Variants in PLEKHG3 observed in about 807,000 individuals in gnomAD.
PLEKHG3 encodes the protein pleckstrin homology and RhoGEF domain containing G3.
In PLEKHG3, 62 loss-of-function variants were observed where a neutral mutation model predicts 94.9. The ratio of observed to expected loss-of-function variants is 0.65; its 90% CI spans 0.53 to 0.81. PLEKHG3 has a LOEUF of 0.81. Ranked by LOEUF, PLEKHG3 falls within the 30% of genes least tolerant of loss-of-function variation. The pLI is 0.00. For missense variants in PLEKHG3, 1,461 were observed against 1,619.3 expected (o/e 0.90, Z 1.68); for synonymous variants, 614 against 654.0 (o/e 0.94, Z 0.93).
At chr14:64,729,133 G>A (rs1367894791) in intron 3 of PLEKHG3, 40 bp downstream of exon 3, 4 of 934,048 alleles carry the variant, frequency 4.3e-6, no homozygotes, top group South Asian at 2.9e-5. Flanking sequence ...TTCTGCCTGC[G>A]AGGCCCACCT....
At chr14:64,712,043 C>A (rs1005142535) in intron 1 of PLEKHG3, among the ~76,000 whole-genome samples, 3 of 152,180 alleles carry the variant, frequency 2.0e-5, no homozygotes, top group African/African-American at 7.2e-5. Flanking sequence ...CAGATTCATT[C>A]TTTTGCATGT....
In PLEKHG3 at chr14:64,730,327, G is replaced by T. The variant is rs1216250379; in HGVS notation, c.519+15G>T. The T allele has an allele frequency of 6.6e-7, 1 of 1,505,464 alleles. No homozygotes were observed. Among genetic ancestry groups the T allele is most frequent in the Non-Finnish European group, 8.9e-7 (1 of 1,119,082 alleles). 93.3% of individuals were successfully genotyped at this position (1,505,464 alleles called of 1,614,324 possible). A position where few individuals can be genotyped will look rare whatever the true frequency, so the allele number is the denominator to read the frequency against. ...TTGTGGAAAGGGTAAGAAGGGCTGG[G>T]TCCTTGCCTCTGTCCTACCTTGCTG... On this transcript the variant is annotated intron_variant, in intron 4 of 16. Transcript: ENST00000247226. The surrounding 1 kb of genome is among the most constrained non-coding windows in gnomAD (Gnocchi z 5.4).
chr14:64,726,055 G>C lies in PLEKHG3; in HGVS notation c.-39-1538G>C, dbSNP rs1314783775. 6.6e-6 allele frequency among the ~76,000 whole-genome samples: 1 copy of C among 152,188 alleles called. No homozygotes were observed. The highest frequency in any genetic ancestry group is 2.4e-5 in the African/African-American group (1 of 41,432). On this transcript the variant is annotated intron_variant, in intron 1 of 16. Coordinates refer to ENST00000247226, the MANE Select transcript of PLEKHG3 (RefSeq NM_001308147.2). The surrounding 1 kb of genome is among the most constrained non-coding windows in gnomAD (Gnocchi z 5.1). ...AGTTCCCCAGGTTTGGGGGATATTG[G>C]AAGGTTCCTGGAGGGGGCGATGTCT...
chr14:64,708,841 G>T (rs1043167360), intron 1 of PLEKHG3, among the ~76,000 whole-genome samples: 1 of 137,276 alleles, frequency 7.3e-6, no homozygotes, highest in Non-Finnish European at 1.5e-5. Context: ...GTATGTCGCT[G>T]CACACTCGGC....
rs970244779 is a variant in PLEKHG3 at position 64,747,472 on chromosome 14, C to G, written c.*3769C>G. ...CATATGTACCAAAGCCAAATGAAGA[C>G]CTTGCTCACCAGGGCGGGAACCTGG... On this transcript the variant is annotated 3_prime_UTR_variant, in exon 17 of 17. Coordinates refer to ENST00000247226, the MANE Select transcript of PLEKHG3 (RefSeq NM_001308147.2). The G allele has an allele frequency of 2.6e-5, 4 of 152,794 alleles. No homozygotes were observed. The highest frequency in any genetic ancestry group is 9.6e-5 in the African/African-American group (4 of 41,580). 9.5% of individuals were successfully genotyped at this position (152,794 alleles called of 1,614,324 possible). A position where few individuals can be genotyped will look rare whatever the true frequency, so the allele number is the denominator to read the frequency against.
rs188686366 is a variant in PLEKHG3 at position 64,723,497 on chromosome 14, G to A, written c.-39-4096G>A. On this transcript the variant is annotated intron_variant, in intron 1 of 16. Transcript: ENST00000247226. This position sits in a 1 kb window ranked among gnomAD's most constrained non-coding sequence, Gnocchi z 4.5. ...TCACAAGTATAGGACTTGAGAAAGA[G>A]TTTTCTTTTTTCTTTTTTTTTGAGA... Among the ~76,000 whole-genome samples, 507 of 149,210 alleles carry A rather than the reference G, an allele frequency of 3.4e-3. 4 individuals are homozygous for A. Among genetic ancestry groups the A allele is most frequent in the Non-Finnish European group, 5.4e-3 (364 of 67,176 alleles).
Position 64,732,270 on chromosome 14 carries a change from A to G in PLEKHG3, c.1212+89A>G. 1 of 1,340,522 alleles carries G rather than the reference A, an allele frequency of 7.5e-7. No homozygotes were observed. Among genetic ancestry groups the G allele is most frequent in the Non-Finnish European group, 1.1e-6 (1 of 932,638 alleles). 83.0% of individuals were successfully genotyped at this position (1,340,522 alleles called of 1,614,324 possible). ...GGTCCATTGGGGGCTCACCTTCTGGATTTGGGCTCCAGTGGACAGTGAGTG... is the reference window on the plus strand; with the variant it reads ...GGTCCATTGGGGGCTCACCTTCTGGGTTTGGGCTCCAGTGGACAGTGAGTG... On this transcript the variant is annotated intron_variant, in intron 10 of 16. Coordinates refer to ENST00000247226, the MANE Select transcript of PLEKHG3 (RefSeq NM_001308147.2). This position sits in a 1 kb window ranked among gnomAD's most constrained non-coding sequence, Gnocchi z 4.9.
chr14:64,742,971 TCTC>T lies in PLEKHG3; in HGVS notation c.2939-7_2939-5del, dbSNP rs1276162267. ...GCCCCATGCTTCAGGCAGCTTGCTC[TCTC>T]CTCATAGGTAAGAGGAAGCCGGTGC... is the stretch of plus-strand genomic sequence containing the variant. On this transcript the variant is annotated splice_polypyrimidine_tract_variant and splice_region_variant and intron_variant, in intron 16 of 16. Coordinates refer to ENST00000247226, the MANE Select transcript of PLEKHG3 (RefSeq NM_001308147.2). The T allele has an allele frequency of 2.5e-6, 4 of 1,613,074 alleles. No individual in the cohort carries two copies. The highest frequency in any genetic ancestry group is 1.7e-4 in the Middle Eastern group (1 of 6,056).
At chr14:64,729,193 C>A (rs1344112810) in intron 3 of PLEKHG3, 100 bp downstream of exon 3, 5 of 589,528 alleles carry the variant, frequency 8.5e-6, no homozygotes, top group Non-Finnish European at 1.5e-5. Context: ...GGGCCTGTGA[C>A]ATGTGGGCCT....
intron 1 of PLEKHG3, among the ~76,000 whole-genome samples, chr14:64,710,636 A>G (rs774320412): frequency 6.6e-6 from 1 of 152,142 alleles, no homozygotes; most frequent in East Asian, 1.9e-4. Flanking sequence ...GCGCCATTGC[A>G]CTCCAGCCTG....
chr14:64,710,282 A>G (rs541142921), intron 1 of PLEKHG3, among the ~76,000 whole-genome samples: 2 of 152,342 alleles, frequency 1.3e-5, no homozygotes, highest in African/African-American at 4.8e-5. Flanking sequence ...TCAAGGTCCT[A>G]CATTTTTCTT....
At position 64,737,380 on chromosome 14, in the gene PLEKHG3, AG is replaced by A; in HGVS notation, c.1404+7del. On this transcript the variant is annotated splice_donor_region_variant and intron_variant, in intron 14 of 16. Transcript: ENST00000247226. Reference sequence around the variant, plus strand: ...GCCCGAGCAGCAGGAATGAAGGTAAAGGCCAGTGGGAGGAGGGGACTGGCTG... The same window carrying A: ...GCCCGAGCAGCAGGAATGAAGGTAAAGCCAGTGGGAGGAGGGGACTGGCTG... 1 of 1,591,574 alleles carries A rather than the reference AG, an allele frequency of 6.3e-7. No homozygotes were observed.
In PLEKHG3 at chr14:64,728,917, C is replaced by A; in HGVS notation, c.352-79C>A. On this transcript the variant is annotated intron_variant, in intron 2 of 16. Transcript: ENST00000247226. This position sits in a 1 kb window ranked among gnomAD's most constrained non-coding sequence, Gnocchi z 5.9. Reference sequence around the variant, plus strand: ...TCCGTGAAGTGGTGTTACAGCAGGGCCGAAACGAGGTGTGGCTAGGGAAGG... The same window carrying A: ...TCCGTGAAGTGGTGTTACAGCAGGGACGAAACGAGGTGTGGCTAGGGAAGG... The A allele has an allele frequency of 5.0e-6, 3 of 597,474 alleles. No individual in the cohort carries two copies. Among genetic ancestry groups the A allele is most frequent in the Non-Finnish European group, 9.1e-6 (3 of 329,924 alleles). 37.0% of individuals were successfully genotyped at this position (597,474 alleles called of 1,614,324 possible).
Position 64,732,992 on chromosome 14 carries a change from C to T in PLEKHG3, c.1345+91C>T, listed in dbSNP as rs1594696435. Reference sequence around the variant, plus strand: ...TGCGGCAGTGTCCAGGGCTGTGGCTCTCACCTCTGCGGAAACCCTGGGAAA... The same window carrying T: ...TGCGGCAGTGTCCAGGGCTGTGGCTTTCACCTCTGCGGAAACCCTGGGAAA... On this transcript the variant is annotated intron_variant, in intron 12 of 16. Coordinates refer to ENST00000247226, the MANE Select transcript of PLEKHG3 (RefSeq NM_001308147.2). This position sits in a 1 kb window ranked among gnomAD's most constrained non-coding sequence, Gnocchi z 4.9. The T allele has an allele frequency of 5.0e-6, 4 of 792,810 alleles. No homozygotes were observed. The highest frequency in any genetic ancestry group is 8.4e-6 in the Non-Finnish European group (4 of 474,560). The allele number at this position is 792,810 out of a possible 1,614,324, so 49.1% of individuals were successfully genotyped here.
chr14:64,749,277 G>GA lies in PLEKHG3; in HGVS notation c.*5575dup. The GA allele has an allele frequency of 6.4e-7, 1 of 1,552,814 alleles. No homozygotes were observed. Among genetic ancestry groups the GA allele is most frequent in the Non-Finnish European group, 8.7e-7 (1 of 1,154,308 alleles). On this transcript the variant is annotated 3_prime_UTR_variant, in exon 17 of 17. Coordinates refer to ENST00000247226, the MANE Select transcript of PLEKHG3 (RefSeq NM_001308147.2). This position sits in a 1 kb window ranked among gnomAD's most constrained non-coding sequence, Gnocchi z 4.7. ...GGGCTGCCCGGTCTCTGCGCGTCCC[G>GA]ACTCCGCCGCGCCCGCCAGCCCCAC... is the stretch of plus-strand genomic sequence containing the variant.
Position 64,731,774 on chromosome 14 carries a change from T to C in PLEKHG3, c.1093T>C (p.Tyr365His), listed in dbSNP as rs746302194. The change falls in exon 9 of 17, where the codon TAC becomes CAC. Residue 365 changes from tyrosine (Y) to histidine (H), a missense_variant. This residue lies in a region of PLEKHG3 where 1,201 missense variants were observed against 1,295.5 expected (regional missense o/e 0.93). Transcript: ENST00000247226. The surrounding 1 kb of genome is among the most constrained non-coding windows in gnomAD (Gnocchi z 6.1). ...RDSLCFTVTH[Y>H]KHSKQQYSIQ... Reference sequence around the variant, plus strand: ...CTCCCTGTGCTTCACTGTCACCCACTACAAGCACAGCAAGCAGCAGTACAG... The same window carrying C: ...CTCCCTGTGCTTCACTGTCACCCACCACAAGCACAGCAAGCAGCAGTACAG... 2 of 1,613,600 alleles carry C rather than the reference T, an allele frequency of 1.2e-6. No homozygotes were observed. The highest frequency in any genetic ancestry group is 2.2e-5 in the East Asian group (1 of 44,848).
chr14:64,749,476 G>T lies in PLEKHG3; in HGVS notation c.*5773G>T. 6.3e-7 allele frequency: 1 copy of T among 1,599,770 alleles called. No homozygotes were observed. Among genetic ancestry groups the T allele is most frequent in the South Asian group, 1.1e-5 (1 of 90,880 alleles). On this transcript the variant is annotated 3_prime_UTR_variant, in exon 17 of 17. Transcript: ENST00000247226. The surrounding 1 kb of genome is among the most constrained non-coding windows in gnomAD (Gnocchi z 4.7). The stretch of plus-strand genomic sequence containing the variant: ...TGCAGCCAGGACAGCATCTCCTCCT[G>T]CGGGGCGGAGGGTCACGGTGGAGTC...
intron 13 of PLEKHG3, 55 bp downstream of exon 13, chr14:64,736,946 AG>A: frequency 7.2e-7 from 1 of 1,386,438 alleles, no homozygotes; most frequent in Non-Finnish European, 1.0e-6. Context: ...AGGAGGGAGG[AG>A]GGGAAGCAGC....
Position 64,731,993 on chromosome 14 carries a change from CA to C in PLEKHG3, c.1126-101del. ...CAGGTTAACCTCACAGAGGCCCCAGCATGGCCCCACTTTTTCTCCCTGGGTG... is the reference window on the plus strand; with the variant it reads ...CAGGTTAACCTCACAGAGGCCCCAGCTGGCCCCACTTTTTCTCCCTGGGTG... On this transcript the variant is annotated intron_variant, in intron 9 of 16. Coordinates refer to ENST00000247226, the MANE Select transcript of PLEKHG3 (RefSeq NM_001308147.2). The surrounding 1 kb of genome is among the most constrained non-coding windows in gnomAD (Gnocchi z 6.1). The C allele has an allele frequency of 2.1e-6, 2 of 943,290 alleles. No homozygotes were observed. The highest frequency in any genetic ancestry group is 3.4e-6 in the Non-Finnish European group (2 of 580,362). The allele number at this position is 943,290 out of a possible 1,614,324, so 58.4% of individuals were successfully genotyped here.
Sources: allele counts gnomAD v4.1 joint callset (sites outside exome capture counted in the v4.1 genomes callset), GRCh38; gene constraint gnomAD v4.1.1; regional missense constraint gnomAD v4.1.1; non-coding constraint Gnocchi (gnomAD v3.1); transcripts MANE v1.5; gene names NCBI Gene and HGNC (gene_info 2026-07-23, HGNC 2026-07-21).